DTNA: variants seen among roughly 807,000 people sequenced by gnomAD.
DTNA encodes the protein dystrobrevin alpha, also known as dystrophin-related protein 3.
In DTNA, 43 loss-of-function variants were observed where a neutral mutation model predicts 100.7. The observed-to-expected ratio is 0.43, with a 90% confidence interval of 0.33 to 0.55. DTNA has a LOEUF of 0.55. DTNA is among the 20% of genes least tolerant of loss of function. The pLI, the probability that DTNA is intolerant of heterozygous loss-of-function variation, is 0.04. For synonymous variants in DTNA, 349 were observed against 347.9 expected (o/e 1.00, Z -0.04); for missense variants, 798 against 953.9 (o/e 0.84, Z 2.15).
intron 17 of DTNA, among the ~76,000 whole-genome samples, chr18:34,864,345 G>C (rs1055883298): frequency 9.3e-5 from 14 of 150,880 alleles, no homozygotes; most frequent in Middle Eastern, 7.0e-3. Context: ...CCGCCTCCCG[G>C]GTTCACGCCA....
In DTNA at chr18:34,557,387, C is replaced by A. The variant is rs1292031976; in HGVS notation, c.-2+63873C>A. On this transcript the variant is annotated intron_variant, in intron 1 of 19. Transcript: ENST00000283365. The stretch of plus-strand genomic sequence containing the variant: ...TCAGCTCGTCAAAGTCATTCTCCAT[C>A]CAGCTTTGTTCCATTGCTGGTGAGG... 2.6e-5 allele frequency among the ~76,000 whole-genome samples: 4 copies of A among 151,744 alleles called. No homozygotes were observed. In the East Asian group the frequency reaches 7.7e-4, roughly 29 times the overall value.
chr18:34,523,700 T>A (rs969159226), intron 1 of DTNA, among the ~76,000 whole-genome samples: 1 of 152,180 alleles, frequency 6.6e-6, no homozygotes, highest in African/African-American at 2.4e-5. Context: ...TTGAGGGAAA[T>A]AAAAATTGTG....
intron 1 of DTNA, among the ~76,000 whole-genome samples, chr18:34,562,440 T>C (rs570161772): frequency 1.2e-3 from 187 of 152,358 alleles, no homozygotes; most frequent in African/African-American, 4.3e-3. Context: ...CTTTGTTCTA[T>C]TCTTAGACTT....
intron 1 of DTNA, among the ~76,000 whole-genome samples, chr18:34,616,949 G>A (rs1229384514): frequency 6.6e-6 from 1 of 152,092 alleles, no homozygotes; most frequent in Admixed American, 6.5e-5. Flanking sequence ...ATGAAGAAAT[G>A]CTACTGATTT....
rs573643899 is a variant in DTNA at position 34,747,716 on chromosome 18, A to G, written c.-1-8260A>G. Among the ~76,000 whole-genome samples the G allele has an allele frequency of 1.0e-3, 158 of 152,276 alleles. 1 individual carries two copies. The highest frequency in any genetic ancestry group is 3.4e-3 in the Middle Eastern group (1 of 294). ...GTAGTATTCCAAGGTGTATATGTAT[A>G]CCACATTTTCTTTATCCATTCGTTG... On this transcript the variant is annotated intron_variant, in intron 1 of 22. Transcript: ENST00000444659.
chr18:34,786,603 G>A (rs2094517047), intron 3 of DTNA, among the ~76,000 whole-genome samples: 1 of 151,830 alleles, frequency 6.6e-6, no homozygotes, highest in South Asian at 2.1e-4. Context: ...GAGATTGAGG[G>A]AGCATGCGCA....
chr18:34,824,617 T>G (rs1461481442), intron 9 of DTNA, among the ~76,000 whole-genome samples: 7 of 152,050 alleles, frequency 4.6e-5, no homozygotes, highest in Admixed American at 6.6e-5. Flanking sequence ...CATCCAAAGG[T>G]GAGCAGCAAA....
chr18:34,760,643 C>T, intron 2 of DTNA, among the ~76,000 whole-genome samples: 1 of 152,222 alleles, frequency 6.6e-6, no homozygotes, highest in Non-Finnish European at 1.5e-5. Flanking sequence ...CGGCTGCCTT[C>T]TAGTGTTCCC....
At chr18:34,583,079 G>A (rs1264341711) in intron 1 of DTNA, among the ~76,000 whole-genome samples, 1 of 152,176 alleles carries the variant, frequency 6.6e-6, no homozygotes, top group Non-Finnish European at 1.5e-5. Flanking sequence ...AAGAGAGATA[G>A]TTTTGCCTAG....
intron 1 of DTNA, among the ~76,000 whole-genome samples, chr18:34,681,876 C>G (rs574432873): frequency 6.6e-6 from 1 of 152,056 alleles, no homozygotes; most frequent in Non-Finnish European, 1.5e-5. Flanking sequence ...TGGGCTTTGA[C>G]AAATGCATAA....
intron 1 of DTNA, chr18:34,737,916 A>G (rs538000762): frequency 4.8e-4 from 73 of 152,280 alleles, no homozygotes; most frequent in African/African-American, 1.4e-3. Flanking sequence ...AAACAATTTC[A>G]TGAAGATTTT....
Position 34,574,867 on chromosome 18 carries a change from G to A in DTNA, c.-2+81353G>A, listed in dbSNP as rs151075083. Among the ~76,000 whole-genome samples, 182 of 152,004 alleles carry A rather than the reference G, an allele frequency of 1.2e-3. 1 individual carries two copies. The highest frequency in any genetic ancestry group is 4.0e-3 in the African/African-American group (167 of 41,472). On this transcript the variant is annotated intron_variant, in intron 1 of 19. Coordinates refer to the DTNA transcript ENST00000283365. ...TTTTGCCCAGATCTTTCTATTTCCT[G>A]GCCTCAATTGATCCTCCTGCCTAAG... is the stretch of plus-strand genomic sequence containing the variant.
intron 1 of DTNA, among the ~76,000 whole-genome samples, chr18:34,753,237 C>G (rs1014814858): frequency 6.6e-6 from 1 of 152,092 alleles, no homozygotes; most frequent in African/African-American, 2.4e-5. Flanking sequence ...GTCACAACAC[C>G]GCAAAACAAG....
chr18:34,561,216 G>A (rs886626038), intron 1 of DTNA, among the ~76,000 whole-genome samples: 4 of 152,024 alleles, frequency 2.6e-5, no homozygotes, highest in African/African-American at 7.2e-5. Flanking sequence ...ACGGATTTTA[G>A]CATCACTTTC....
chr18:34,649,682 A>G (rs1480937853), intron 1 of DTNA, among the ~76,000 whole-genome samples: 2 of 152,046 alleles, frequency 1.3e-5, no homozygotes, highest in South Asian at 2.1e-4. Flanking sequence ...TTATAACCTC[A>G]TTTTTTCATT....
chr18:34,576,154 C>T (rs2048093857), intron 1 of DTNA, among the ~76,000 whole-genome samples: 1 of 152,178 alleles, frequency 6.6e-6, no homozygotes, highest in Non-Finnish European at 1.5e-5. Context: ...AACCTGCAGG[C>T]ATAATGCTCA....
At chr18:34,552,397 CTTTAAG>C (rs1568636991) in intron 1 of DTNA, among the ~76,000 whole-genome samples, 2 of 151,054 alleles carry the variant, frequency 1.3e-5, no homozygotes, top group African/African-American at 4.9e-5. Context: ...TTAAATTATA[CTTTAAG>C]TTTTAGGGTA....
intron 1 of DTNA, among the ~76,000 whole-genome samples, chr18:34,695,643 C>A (rs2080426234): frequency 6.6e-6 from 1 of 152,240 alleles, no homozygotes; most frequent in African/African-American, 2.4e-5. Flanking sequence ...CAGTAGCTTT[C>A]TCAGAAGTAG....
intron 9 of DTNA, chr18:34,825,136 T>A: frequency 5.7e-6 from 7 of 1,234,694 alleles, no homozygotes; most frequent in Non-Finnish European, 8.3e-6. Context: ...CAGTCATGAA[T>A]TAGTCCTTAA....
Sources: allele counts gnomAD v4.1 joint callset (sites outside exome capture counted in the v4.1 genomes callset), GRCh38; gene constraint gnomAD v4.1.1; transcripts MANE v1.5; gene names NCBI Gene and HGNC (gene_info 2026-07-23, HGNC 2026-07-21).